APOOL: variants seen among roughly 807,000 people sequenced by gnomAD.
APOOL encodes the protein MICOS complex subunit MIC27.
Under a neutral mutation model 23.1 loss-of-function variants are expected in APOOL, and 12 were observed. The ratio of observed to expected loss-of-function variants is 0.52; its 90% confidence interval spans 0.33 to 0.84. The LOEUF is 0.84. Ranked by LOEUF, APOOL falls within the 40% of genes least tolerant of loss-of-function variation. The pLI is 0.02. For synonymous variants in APOOL, 77 were observed against 69.9 expected (o/e 1.10, Z -0.51); for missense variants, 212 against 199.6 (o/e 1.06, Z -0.37).
chrX:85,041,072 T>C (rs1425662443), intron 1 of APOOL, among the ~76,000 whole-genome samples: 1 of 111,723 alleles, frequency 9.0e-6, no homozygotes, highest in Non-Finnish European at 1.9e-5. Flanking sequence ...TTTGCTGCAG[T>C]AATTGTAAAA....
chrX:85,064,261 C>CT (rs1278042939), intron 5 of APOOL, among the ~76,000 whole-genome samples: 1 of 106,301 alleles, frequency 9.4e-6, no homozygotes, highest in Admixed American at 1.0e-4. Context: ...AATCTTCTCT[C>CT]TTTTTTTCTT....
intron 1 of APOOL, among the ~76,000 whole-genome samples, chrX:85,038,910 C>G (rs1922316187): frequency 9.1e-6 from 1 of 109,737 alleles, no homozygotes; most frequent in Admixed American, 9.8e-5. Flanking sequence ...TTGAGTTGCT[C>G]TATGATTTTG....
intron 8 of APOOL, among the ~76,000 whole-genome samples, chrX:85,081,231 T>C (rs1379189644): frequency 8.9e-6 from 1 of 111,855 alleles, no homozygotes; most frequent in Non-Finnish European, 1.9e-5. Flanking sequence ...TGGTACCGGT[T>C]GTTCCTTTCC....
intron 8 of APOOL, among the ~76,000 whole-genome samples, chrX:85,077,264 C>G (rs745507076): frequency 9.6e-4 from 102 of 106,778 alleles, no homozygotes; most frequent in African/African-American, 3.3e-3. Context: ...TCCTGCCCCC[C>G]ACCCCACAAC....
chrX:85,087,791 A>C lies in APOOL; in HGVS notation c.*113A>C, dbSNP rs1208115461. ...TGATACATAGAGTATTACCTAAACC[A>C]AGTTTCTCCCTTACATTTCCAAATA... On this transcript the variant is annotated 3_prime_UTR_variant, in exon 9 of 9. Coordinates refer to ENST00000373173, the MANE Select transcript of APOOL (RefSeq NM_198450.6). 3 of 615,440 alleles carry C rather than the reference A, an allele frequency of 4.9e-6. No homozygotes were observed. In the Admixed American group the frequency reaches 1.4e-4, roughly 28 times the overall value. The allele number at this position is 615,440 out of a possible 1,213,427, so 50.7% of individuals were successfully genotyped here.
chrX:85,070,864 C>T (rs1923642531), intron 6 of APOOL, among the ~76,000 whole-genome samples: 1 of 110,732 alleles, frequency 9.0e-6, no homozygotes, highest in Non-Finnish European at 1.9e-5. Context: ...GATATATGCA[C>T]CTCCATGTTC....
intron 1 of APOOL, among the ~76,000 whole-genome samples, chrX:85,041,833 C>T (rs750964130): frequency 1.8e-5 from 2 of 110,618 alleles, no homozygotes; most frequent in African/African-American, 3.3e-5. Flanking sequence ...AGGAGCCCCC[C>T]CTTGTCTTCC....
At chrX:85,059,638 G>A (rs1298667371) in intron 5 of APOOL, among the ~76,000 whole-genome samples, 2 of 109,416 alleles carry the variant, frequency 1.8e-5, no homozygotes, top group Non-Finnish European at 3.8e-5. Context: ...GTGATGATGA[G>A]CATTTTTTCA....
chrX:85,032,567 C>T (rs886926554), intron 1 of APOOL, among the ~76,000 whole-genome samples: 7 of 110,931 alleles, frequency 6.3e-5, no homozygotes, highest in Middle Eastern at 4.7e-3. Flanking sequence ...AATATACTCC[C>T]TGTGTATGTT....
At chrX:85,030,398 A>G (rs1449676260) in intron 1 of APOOL, among the ~76,000 whole-genome samples, 1 of 110,961 alleles carries the variant, frequency 9.0e-6, no homozygotes, top group Non-Finnish European at 1.9e-5. Flanking sequence ...AAAAAACACT[A>G]CACCTTAGGT....
intron 5 of APOOL, among the ~76,000 whole-genome samples, chrX:85,057,479 AC>A (rs1009014182): frequency 1.1e-4 from 12 of 105,988 alleles, no homozygotes; most frequent in Non-Finnish European, 2.3e-4. Flanking sequence ...TATATATAAA[AC>A]ATATATATAA....
intron 4 of APOOL, among the ~76,000 whole-genome samples, chrX:85,054,734 G>A (rs966201716): frequency 6.3e-5 from 7 of 110,962 alleles, no homozygotes; most frequent in Non-Finnish European, 1.3e-4. Flanking sequence ...GTAGGTTATC[G>A]AGCTTACGTA....
chrX:85,053,585 A>G (rs982080221), intron 3 of APOOL, among the ~76,000 whole-genome samples: 3 of 111,652 alleles, frequency 2.7e-5, no homozygotes, highest in Non-Finnish European at 5.7e-5. Context: ...TGGTTCCATC[A>G]ACAGAGTACA....
At position 85,024,401 on chromosome X, in the gene APOOL, G is replaced by A. The variant is rs1434079488; in HGVS notation, c.15+20474G>A. 9.8e-5 allele frequency among the ~76,000 whole-genome samples: 11 copies of A among 112,057 alleles called. No individual in the cohort carries two copies. The Admixed American group carries it at 1.0e-3, about 11-fold the overall frequency. On this transcript the variant is annotated intron_variant, in intron 1 of 8. Coordinates refer to ENST00000373173, the MANE Select transcript of APOOL (RefSeq NM_198450.6). The stretch of plus-strand genomic sequence containing the variant: ...CTCTTTTTCTGATCTCCCCAATAAC[G>A]GCTCTTGGCTTCTATTTATATCATA...
At chrX:85,041,056 T>G in intron 1 of APOOL, among the ~76,000 whole-genome samples, 1 of 111,815 alleles carries the variant, frequency 8.9e-6, no homozygotes, top group Middle Eastern at 4.6e-3. Context: ...TTTGTTGTTG[T>G]TTTGTTTTGC....
At chrX:85,072,832 A>G (rs988208227) in intron 6 of APOOL, among the ~76,000 whole-genome samples, 1 of 112,101 alleles carries the variant, frequency 8.9e-6, no homozygotes, top group Non-Finnish European at 1.9e-5. Context: ...AGGAAAACAA[A>G]CTAAATACAT....
rs1923510269 is a variant in APOOL at position 85,067,655 on chromosome X, C to CACACAG, written c.486+442_486+443insGACACA. ...ACACACACACACACACACACACACA[C>CACACAG]ACACACACACACGCACAGGAACTCA... On this transcript the variant is annotated intron_variant, in intron 6 of 8. Transcript: ENST00000373173. Among the ~76,000 whole-genome samples the CACACAG allele has an allele frequency of 3.6e-5, 4 of 109,897 alleles. No homozygotes were observed. In the South Asian group the frequency reaches 1.6e-3, roughly 43 times the overall value.
chrX:85,055,569 CT>C (rs1257365671), intron 4 of APOOL, among the ~76,000 whole-genome samples: 2 of 111,621 alleles, frequency 1.8e-5, no homozygotes, highest in East Asian at 5.6e-4. Context: ...CATTACATTT[CT>C]TTATAGTAAT....
intron 1 of APOOL, among the ~76,000 whole-genome samples, chrX:85,037,979 G>A (rs1922272053): frequency 9.0e-6 from 1 of 111,436 alleles, no homozygotes; most frequent in South Asian, 3.8e-4. Context: ...TAAACAAATG[G>A]CACCTAATTA....
Sources: gnomAD v4.1 joint callset for allele counts (sites outside exome capture counted in the v4.1 genomes callset) on GRCh38, gnomAD v4.1.1 for gene constraint, MANE v1.5 for transcripts, NCBI Gene and HGNC (gene_info 2026-07-23, HGNC 2026-07-21) for gene names.